The following KLB variants were observed in gnomAD, a reference collection of about 807,000 sequenced individuals.
The protein encoded by KLB is klotho beta, also known as beta-klotho.
KLB carries 44 observed loss-of-function variants against 88.4 expected under a neutral mutation model. The observed-to-expected ratio is 0.50, with a 90% CI of 0.39 to 0.64. KLB has a LOEUF of 0.64. KLB is among the 30% of genes least tolerant of loss of function. The pLI is 0.00. For missense variants in KLB, 1,137 were observed against 1,304.8 expected (o/e 0.87, Z 1.98); for synonymous variants, 548 against 513.4 (o/e 1.07, Z -0.91).
In KLB at chr4:39,422,809, T is replaced by G. The variant is rs142025345; in HGVS notation, c.826-11401T>G. Reference sequence around the variant, plus strand: ...CAGAGTCTTGCTCTGTCACCCACACTGGAGTGCAGTGGTGTTATCTTGGTT... The same window carrying G: ...CAGAGTCTTGCTCTGTCACCCACACGGGAGTGCAGTGGTGTTATCTTGGTT... On this transcript the variant is annotated intron_variant, in intron 1 of 4. Coordinates refer to ENST00000257408, the MANE Select transcript of KLB (RefSeq NM_175737.4). Among the ~76,000 whole-genome samples the G allele has an allele frequency of 3.9e-5, 6 of 151,980 alleles. No individual in the cohort carries two copies. The East Asian group carries it at 1.2e-3, about 29-fold the overall frequency.
chr4:39,412,654 C>T (rs1742879208), intron 1 of KLB, among the ~76,000 whole-genome samples: 1 of 152,160 alleles, frequency 6.6e-6, no homozygotes. Flanking sequence ...GATTTAAGTG[C>T]CCCTTCTGCT....
At position 39,407,792 on chromosome 4, in the gene KLB, T is replaced by G. The variant is rs199855716; in HGVS notation, c.825+18T>G. On this transcript the variant is annotated intron_variant, in intron 1 of 4. Coordinates refer to ENST00000257408, the MANE Select transcript of KLB (RefSeq NM_175737.4). ...TGATCAAGGTACTGTACAGCTAGCT[T>G]CTTCTTATAGCTTCAGAAAACACTA... 1.2e-5 allele frequency: 17 copies of G among 1,376,218 alleles called. No homozygotes were observed. Among genetic ancestry groups the G allele is most frequent in the Middle Eastern group, 1.9e-4 (1 of 5,334 alleles). 85.3% of individuals were successfully genotyped at this position (1,376,218 alleles called of 1,614,324 possible).
At chr4:39,415,612 A>C (rs1742948986) in intron 1 of KLB, among the ~76,000 whole-genome samples, 1 of 152,244 alleles carries the variant, frequency 6.6e-6, no homozygotes, top group Admixed American at 6.5e-5. Flanking sequence ...TAAAATGCCC[A>C]AATTTATGTG....
chr4:39,436,655 C>G (rs886991687), intron 2 of KLB, among the ~76,000 whole-genome samples: 2 of 152,070 alleles, frequency 1.3e-5, no homozygotes, highest in Admixed American at 1.3e-4. Flanking sequence ...AAAAAGGATT[C>G]AGGGCTAATT....
intron 1 of KLB, among the ~76,000 whole-genome samples, chr4:39,416,590 A>G (rs942757317): frequency 6.6e-6 from 1 of 152,074 alleles, no homozygotes; most frequent in African/African-American, 2.4e-5. Flanking sequence ...AGATCAGCCT[A>G]AGCAACGTAG....
chr4:39,439,003 CTTTT>C (rs1343702750), intron 3 of KLB, among the ~76,000 whole-genome samples: 2 of 139,948 alleles, frequency 1.4e-5, no homozygotes, highest in African/African-American at 2.6e-5. Flanking sequence ...TCTACTTCAT[CTTTT>C]TTTTTTTTTT....
Position 39,446,551 on chromosome 4 carries a change from A to G in KLB, c.1825A>G (p.Thr609Ala), listed in dbSNP as rs55755438. ...FALDWASVLP[T>A]GNLSAVNRQA... ...TCTGGATTGGGCCTCGGTCCTTCCC[A>G]CTGGCAACCTGTCCGCGGTGAACCG... Residue 609 changes from threonine to alanine, a missense_variant, in exon 4 of 5, where the codon ACT becomes GCT. This residue lies in a region of KLB where 597 missense variants were observed against 765.2 expected (regional missense o/e 0.78). Coordinates refer to ENST00000257408, the MANE Select transcript of KLB (RefSeq NM_175737.4). The surrounding 1 kb of genome is among the most constrained non-coding windows in gnomAD (Gnocchi z 6.4). The G allele has an allele frequency of 2.6e-4, 415 of 1,614,214 alleles. 3 individuals carry two copies. The East Asian group carries it at 8.3e-3, about 32-fold the overall frequency.
chr4:39,410,309 C>G (rs1417820946), intron 1 of KLB, among the ~76,000 whole-genome samples: 1 of 152,162 alleles, frequency 6.6e-6, no homozygotes, highest in African/African-American at 2.4e-5. Flanking sequence ...TCATTTTCCT[C>G]TAATTTGAGA....
rs987092678 is a variant in KLB at position 39,422,921 on chromosome 4, A to G, written c.826-11289A>G. ...AGCTGGGACTACAGGCGCATGCCACAATGCCTGGCTAATTTTTGTATTCTT... is the reference window on the plus strand; with the variant it reads ...AGCTGGGACTACAGGCGCATGCCACGATGCCTGGCTAATTTTTGTATTCTT... On this transcript the variant is annotated intron_variant, in intron 1 of 4. Transcript: ENST00000257408. 3.4e-5 allele frequency among the ~76,000 whole-genome samples: 5 copies of G among 148,628 alleles called. 1 individual carries two copies. Among genetic ancestry groups the G allele is most frequent in the African/African-American group, 5.2e-5 (2 of 38,144 alleles).
intron 1 of KLB, among the ~76,000 whole-genome samples, chr4:39,419,840 G>A (rs1284240937): frequency 1.3e-5 from 2 of 149,806 alleles, no homozygotes; most frequent in African/African-American, 4.9e-5. Flanking sequence ...GCTGCTTAGG[G>A]GGCTAAAGCA....
chr4:39,450,891 T>A lies in KLB; in HGVS notation c.*2205T>A, dbSNP rs1743878772. 6.7e-6 allele frequency: 1 copy of A among 150,074 alleles called. No individual in the cohort carries two copies. Among genetic ancestry groups the A allele is most frequent in the Non-Finnish European group, 1.5e-5 (1 of 67,628 alleles). 9.3% of individuals were successfully genotyped at this position (150,074 alleles called of 1,614,324 possible). Reference sequence around the variant, plus strand: ...AAAAAAAAAAGGTTAGCCACAGGAATAACAAAAACCTGGAATTTATCTTTC... The same window carrying A: ...AAAAAAAAAAGGTTAGCCACAGGAAAAACAAAAACCTGGAATTTATCTTTC... On this transcript the variant is annotated 3_prime_UTR_variant, in exon 5 of 5. Coordinates refer to ENST00000257408, the MANE Select transcript of KLB (RefSeq NM_175737.4).
chr4:39,431,331 A>G (rs1044271090), intron 1 of KLB, among the ~76,000 whole-genome samples: 2 of 152,092 alleles, frequency 1.3e-5, no homozygotes, highest in African/African-American at 4.8e-5. Context: ...GCATCACTGC[A>G]ACCTCCGCCT....
intron 1 of KLB, among the ~76,000 whole-genome samples, chr4:39,413,739 T>A (rs866466170): frequency 1.9e-4 from 28 of 149,228 alleles, no homozygotes; most frequent in Admixed American, 5.3e-4. Context: ...AAAAAAAAAA[T>A]AAATAAAATA....
chr4:39,433,317 T>G (rs967730608), intron 1 of KLB, among the ~76,000 whole-genome samples: 1 of 152,198 alleles, frequency 6.6e-6, no homozygotes, highest in Non-Finnish European at 1.5e-5. Context: ...TTACACTCTT[T>G]CCATTGGTCT....
Position 39,447,176 on chromosome 4 carries a change from C to T in KLB, c.2450C>T (p.Thr817Met). ...GCCGAAAGGAGGCTGCTCAAGGGCACGGTCGACTTCTGCGCGCTCAACCAC... is the reference window on the plus strand; with the variant it reads ...GCCGAAAGGAGGCTGCTCAAGGGCATGGTCGACTTCTGCGCGCTCAACCAC... ...TEAERRLLKG[T>M]VDFCALNHFT... Residue 817 changes from threonine (T) to methionine (M), a missense_variant, in exon 4 of 5, where the codon ACG becomes ATG. Thr to Met is a moderately conservative substitution (Grantham distance 81). This residue lies in a region of KLB where 426 missense variants were observed against 404.6 expected (regional missense o/e 1.05). Transcript: ENST00000257408. 6.2e-7 allele frequency: 1 copy of T among 1,613,896 alleles called. No homozygotes were observed. The highest frequency in any genetic ancestry group is 2.2e-5 in the East Asian group (1 of 44,886).
rs1487335518 is a variant in KLB, at chr4:39,446,198, G to A, written c.1606-134G>A. ...CCTTCTCTGTTTTCTGGTCTCCTTGGGAGATTTCAAGGGCTGGAATAGGCC... is the reference window on the plus strand; with the variant it reads ...CCTTCTCTGTTTTCTGGTCTCCTTGAGAGATTTCAAGGGCTGGAATAGGCC... On this transcript the variant is annotated intron_variant, in intron 3 of 4. Coordinates refer to ENST00000257408, the MANE Select transcript of KLB (RefSeq NM_175737.4). The surrounding 1 kb of genome is among the most constrained non-coding windows in gnomAD (Gnocchi z 6.4). 1.1e-5 allele frequency: 8 copies of A among 742,908 alleles called. No homozygotes were observed. The Admixed American group carries it at 2.3e-4, about 21-fold the overall frequency. The allele number at this position is 742,908 out of a possible 1,614,324, so 46.0% of individuals were successfully genotyped here. A position where few individuals can be genotyped will look rare whatever the true frequency, so the allele number is the denominator to read the frequency against.
At position 39,446,568 on chromosome 4, in the gene KLB, G is replaced by A; in HGVS notation, c.1842G>A (p.Ala614=). The change falls in exon 4 of 5, where the codon GCG becomes GCA. Residue 614 remains alanine (A), a synonymous_variant. Transcript: ENST00000257408. The surrounding 1 kb of genome is among the most constrained non-coding windows in gnomAD (Gnocchi z 6.4). The part of the protein sequence containing the change: ...ASVLPTGNLS[A]VNRQALRYYR... ...TCCTTCCCACTGGCAACCTGTCCGC[G>A]GTGAACCGACAGGCCCTGAGGTACT... 1 of 1,614,210 alleles carries A rather than the reference G, an allele frequency of 6.2e-7. No individual in the cohort carries two copies. Among genetic ancestry groups the A allele is most frequent in the African/African-American group, 1.3e-5 (1 of 75,062 alleles).
At chr4:39,434,153 A>G (rs1157377582) in intron 1 of KLB, 57 bp from the exon 2 acceptor site, 11 of 1,473,400 alleles carry the variant, frequency 7.5e-6, no homozygotes, top group Non-Finnish European at 1.0e-5. Context: ...TTTACCAGCC[A>G]TGTTACAGCC....
intron 1 of KLB, among the ~76,000 whole-genome samples, chr4:39,419,159 A>G (rs1743025052): frequency 6.6e-6 from 1 of 152,152 alleles, no homozygotes; most frequent in African/African-American, 2.4e-5. Context: ...AACCTTCAAG[A>G]GAGCAATATT....
Sources: allele counts gnomAD v4.1 joint callset (sites outside exome capture counted in the v4.1 genomes callset), GRCh38; gene constraint gnomAD v4.1.1; regional missense constraint gnomAD v4.1.1; non-coding constraint Gnocchi (gnomAD v3.1); transcripts MANE v1.5; gene names NCBI Gene and HGNC (gene_info 2026-07-23, HGNC 2026-07-21).